The following EPYC variants were observed in gnomAD, a reference collection of about 807,000 sequenced individuals.
EPYC encodes the protein dermatan sulfate proteoglycan 3.
A neutral mutation model predicts 30.1 loss-of-function variants in EPYC; 28 were observed. The observed-to-expected ratio is 0.93, with a 90% CI of 0.69 to 1.28. EPYC has a LOEUF of 1.28. Among genes scored for constraint, EPYC ranks in the 50% most tolerant of loss-of-function variants. The pLI is 0.00. For missense variants in EPYC, 382 were observed against 383.5 expected (o/e 1.00, Z 0.03); for synonymous variants, 144 against 141.4 (o/e 1.02, Z -0.13).
intron 2 of EPYC, among the ~76,000 whole-genome samples, chr12:90,998,093 A>C (rs912888930): frequency 6.6e-6 from 1 of 152,112 alleles, no homozygotes; most frequent in Non-Finnish European, 1.5e-5. Flanking sequence ...TCATCTATTC[A>C]ATAGGAATAA....
intron 3 of EPYC, among the ~76,000 whole-genome samples, chr12:90,977,835 T>C (rs1877222992): frequency 6.6e-6 from 1 of 152,104 alleles, no homozygotes; most frequent in Non-Finnish European, 1.5e-5. Context: ...CACCACCAGG[T>C]TTCGAGTAAT....
intron 2 of EPYC, among the ~76,000 whole-genome samples, chr12:90,998,621 C>A (rs1008155489): frequency 6.6e-6 from 1 of 152,228 alleles, no homozygotes; most frequent in South Asian, 2.1e-4. Flanking sequence ...CCACCTAAAT[C>A]CCTAGACTCA....
chr12:90,965,209 T>C (rs979600045), intron 6 of EPYC, among the ~76,000 whole-genome samples: 1 of 152,200 alleles, frequency 6.6e-6, no homozygotes, highest in African/African-American at 2.4e-5. Context: ...TGTTGTCCAA[T>C]ACTATTTCAC....
chr12:90,971,647 TG>T (rs1193303674), intron 5 of EPYC, among the ~76,000 whole-genome samples, 152 bp downstream of exon 5: 4 of 149,776 alleles, frequency 2.7e-5, no homozygotes, highest in Non-Finnish European at 5.9e-5. Context: ...CACTCAAGCC[TG>T]GGTGACAGAG....
intron 2 of EPYC, among the ~76,000 whole-genome samples, chr12:90,997,292 G>A (rs536064687): frequency 2.0e-4 from 31 of 152,030 alleles, no homozygotes; most frequent in Admixed American, 3.9e-4. Context: ...ATAAGGCTAC[G>A]TTAATTAATG....
At chr12:90,992,144 A>G (rs889974391) in intron 2 of EPYC, among the ~76,000 whole-genome samples, 1 of 152,172 alleles carries the variant, frequency 6.6e-6, no homozygotes, top group Non-Finnish European at 1.5e-5. Context: ...TTAGATTCTC[A>G]TAAGAAGCAG....
intron 2 of EPYC, among the ~76,000 whole-genome samples, chr12:90,991,371 A>C (rs1877582526): frequency 6.6e-6 from 1 of 152,200 alleles, no homozygotes; most frequent in Admixed American, 6.5e-5. Flanking sequence ...AGGGCTAGGC[A>C]GGACAATAAC....
chr12:91,004,896 A>T (rs1877917186), intron 1 of EPYC, 51 bp downstream of exon 1: 1 of 152,118 alleles, frequency 6.6e-6, no homozygotes, highest in African/African-American at 2.4e-5. Flanking sequence ...AAAGGTTGTT[A>T]TAGTAGGGAA....
At chr12:91,002,166 G>C (rs965427071) in intron 2 of EPYC, among the ~76,000 whole-genome samples, 1 of 128,498 alleles carries the variant, frequency 7.8e-6, no homozygotes, top group Non-Finnish European at 1.6e-5. Flanking sequence ...TTACAGTCTG[G>C]GAGATGGAGC....
chr12:90,984,929 T>A (rs1414649387), intron 2 of EPYC, among the ~76,000 whole-genome samples: 1 of 152,128 alleles, frequency 6.6e-6, no homozygotes, highest in African/African-American at 2.4e-5. Context: ...CCTAGGGAAG[T>A]GTTCAGATGA....
At chr12:91,001,595 C>A (rs1877823511) in intron 2 of EPYC, among the ~76,000 whole-genome samples, 1 of 152,024 alleles carries the variant, frequency 6.6e-6, no homozygotes, top group Non-Finnish European at 1.5e-5. Context: ...TACAACCTTG[C>A]CAATTTCTAC....
intron 2 of EPYC, among the ~76,000 whole-genome samples, chr12:90,978,958 T>C (rs1877262214): frequency 6.6e-6 from 1 of 152,204 alleles, no homozygotes; most frequent in Non-Finnish European, 1.5e-5. Context: ...TGGACTTCTT[T>C]GAGAACGTTG....
intron 1 of EPYC, 89 bp from the exon 2 acceptor site, chr12:91,002,667 A>T: frequency 1.0e-6 from 1 of 994,134 alleles, no homozygotes; most frequent in Non-Finnish European, 1.5e-6. Context: ...TAGTGTCAAT[A>T]TCAAAGAACT....
chr12:90,997,176 A>G (rs1877712769), intron 2 of EPYC, among the ~76,000 whole-genome samples: 2 of 152,084 alleles, frequency 1.3e-5, no homozygotes, highest in African/African-American at 4.8e-5. Context: ...CCTCCATGTC[A>G]TCATACAGCA....
At position 90,970,027 on chromosome 12, in the gene EPYC, T is replaced by C; in HGVS notation, c.798+17A>G. 6.3e-7 allele frequency: 1 copy of C among 1,596,006 alleles called. No homozygotes were observed. The highest frequency in any genetic ancestry group is 1.1e-5 in the South Asian group (1 of 90,704). On this transcript the variant is annotated intron_variant, in intron 6 of 6. Transcript: ENST00000261172. ...TTCTCTGAAGCCCTTGGGCGCACCT[T>C]ACTGGTAGACTCCTACCTGGAGGTG...
intron 2 of EPYC, among the ~76,000 whole-genome samples, chr12:91,001,890 T>TA (rs35805542): frequency 2.6e-5 from 4 of 151,812 alleles, no homozygotes; most frequent in African/African-American, 9.7e-5. Context: ...ACATGAGCTT[T>TA]AAAAAAACAA....
intron 2 of EPYC, among the ~76,000 whole-genome samples, chr12:90,979,077 T>C (rs930397748): frequency 3.3e-5 from 5 of 152,174 alleles, no homozygotes; most frequent in African/African-American, 9.6e-5. Context: ...TTTTAAGTAA[T>C]AGAATCATTG....
At position 90,983,691 on chromosome 12, in the gene EPYC, C is replaced by T. The variant is rs943722052; in HGVS notation, c.166-5429G>A. 4.6e-5 allele frequency among the ~76,000 whole-genome samples: 7 copies of T among 152,128 alleles called. No homozygotes were observed. The East Asian group carries it at 1.4e-3, about 29-fold the overall frequency. ...CTATTCTATCTATCCTGACCCTTGA[C>T]TCCTGGGTACTAATGCCTGTCAGAC... On this transcript the variant is annotated intron_variant, in intron 2 of 6. Coordinates refer to ENST00000261172, the MANE Select transcript of EPYC (RefSeq NM_004950.5).
intron 2 of EPYC, among the ~76,000 whole-genome samples, chr12:90,985,477 T>A (rs539155434): frequency 2.6e-5 from 4 of 151,984 alleles, no homozygotes; most frequent in Non-Finnish European, 5.9e-5. Context: ...AACCTTGGTG[T>A]TCTATAATAG....
Sources: allele counts gnomAD v4.1 joint callset (sites outside exome capture counted in the v4.1 genomes callset), GRCh38; gene constraint gnomAD v4.1.1; transcripts MANE v1.5; gene names NCBI Gene and HGNC (gene_info 2026-07-23, HGNC 2026-07-21).